FCRL5: variants seen among roughly 807,000 people sequenced by gnomAD.
The protein encoded by FCRL5 is Fc receptor like 5.
In FCRL5, 79 loss-of-function variants were observed where a neutral mutation model predicts 92.1. The observed-to-expected ratio is 0.86, with a 90% CI of 0.72 to 1.03. FCRL5 has a LOEUF of 1.03. Among genes scored for constraint, FCRL5 ranks in the 50% least tolerant of loss-of-function variants. The pLI, the probability that FCRL5 is intolerant of heterozygous loss-of-function variation, is 0.00. For synonymous variants in FCRL5, 466 were observed against 469.3 expected, an observed-to-expected ratio of 0.99 and a Z score of 0.09; for missense variants, 1,160 against 1,181.1, an observed-to-expected ratio of 0.98 and a Z score of 0.26.
intron 2 of FCRL5, among the ~76,000 whole-genome samples, chr1:157,548,735 A>C (rs900562372): frequency 5.3e-5 from 8 of 152,256 alleles, no homozygotes; most frequent in Non-Finnish European, 1.2e-4. Flanking sequence ...CCACAATGAG[A>C]TACCATATCA....
rs1651121985 is a variant in FCRL5 at position 157,539,159 on chromosome 1, T to C, written c.1329A>G (p.Ser443=). ...AISFSLTAEH[S]GNYYCTADNG... ...TGTCAGCTGTGCAGTAGTAGTTCCC[T>C]GAATGCTCTGCAGTCAGAGAGAAGC... is the stretch of plus-strand genomic sequence containing the variant. Residue 443 remains serine, a synonymous_variant, in exon 7 of 17, where the codon TCA becomes TCG. Coordinates refer to ENST00000361835, the MANE Select transcript of FCRL5 (RefSeq NM_031281.3). The C allele has an allele frequency of 1.9e-6, 3 of 1,614,228 alleles. No homozygotes were observed. Among genetic ancestry groups the C allele is most frequent in the Middle Eastern group, 1.7e-4 (1 of 6,060 alleles).
chr1:157,531,249 T>C (rs1650683311), intron 8 of FCRL5, among the ~76,000 whole-genome samples: 1 of 152,080 alleles, frequency 6.6e-6, no homozygotes, highest in South Asian at 2.1e-4. Flanking sequence ...ATTGGGGAAA[T>C]ACAATTAAAA....
chr1:157,534,499 G>T, intron 8 of FCRL5, 115 bp downstream of exon 8: 2 of 1,285,684 alleles, frequency 1.6e-6, no homozygotes, highest in East Asian at 2.4e-5. Context: ...AGGAAGCCAA[G>T]AAGGGGATTA....
Position 157,518,495 on chromosome 1 carries a change from T to C in FCRL5, c.2746A>G (p.Asn916Asp). 1 of 1,614,030 alleles carries C rather than the reference T, an allele frequency of 6.2e-7. No homozygotes were observed. The highest frequency in any genetic ancestry group is 1.1e-5 in the South Asian group (1 of 91,054). The change falls in exon 15 of 17, where the codon AAT (asparagine) becomes GAT (aspartate). Residue 916 changes from asparagine (N) to aspartate (D), a missense_variant and splice_region_variant. Asn to Asp is a conservative substitution (Grantham distance 23). Coordinates refer to ENST00000361835, the MANE Select transcript of FCRL5 (RefSeq NM_031281.3). ...TAAACCACATTTTCTCCTCTAGGAT[T>C]TGCTTAGAAAAAAGTTGAAGTTTCA... ...EELQPVYTNA[N>D]PRGENVVYSE...
At chr1:157,543,610 T>G (rs1355511363) in intron 5 of FCRL5, among the ~76,000 whole-genome samples, 1 of 152,146 alleles carries the variant, frequency 6.6e-6, no homozygotes, top group East Asian at 1.9e-4. Flanking sequence ...CTGGTGATGA[T>G]CACATTGCCT....
At chr1:157,545,524 T>G (rs906253968) in intron 3 of FCRL5, among the ~76,000 whole-genome samples, 1 of 133,460 alleles carries the variant, frequency 7.5e-6, no homozygotes, top group Non-Finnish European at 1.6e-5. Flanking sequence ...TTTAATGAGT[T>G]TTTTTTTTTT....
At chr1:157,526,685 A>T (rs1401412673) in intron 9 of FCRL5, among the ~76,000 whole-genome samples, 1 of 152,168 alleles carries the variant, frequency 6.6e-6, no homozygotes, top group Non-Finnish European at 1.5e-5. Flanking sequence ...TTGGGTGGAT[A>T]CAGAGCTAGA....
chr1:157,535,943 G>GTTTTTTTTTTTTTT (rs60191062), intron 7 of FCRL5, among the ~76,000 whole-genome samples: 1,024 of 89,918 alleles, frequency 0.011, 92 homozygotes, highest in Middle Eastern at 0.056. Context: ...ATGTGACTCA[G>GTTTTTTTTTTTTTT]TTTTTTTTTT....
intron 13 of FCRL5, chr1:157,519,044 T>C (rs909962521): frequency 3.3e-6 from 1 of 302,146 alleles, no homozygotes; most frequent in Non-Finnish European, 6.1e-6. Flanking sequence ...TCATCCTCGT[T>C]TTAGCTGAAA....
intron 10 of FCRL5, among the ~76,000 whole-genome samples, chr1:157,523,204 T>C (rs1650276380): frequency 6.6e-6 from 1 of 152,214 alleles, no homozygotes; most frequent in South Asian, 2.1e-4. Flanking sequence ...TCAGTGTATA[T>C]TTTGCTTTAC....
chr1:157,521,194 G>A lies in FCRL5; in HGVS notation c.2338C>T (p.Pro780Ser). The A allele has an allele frequency of 4.3e-6, 7 of 1,614,136 alleles. No homozygotes were observed. Among genetic ancestry groups the A allele is most frequent in the Non-Finnish European group, 5.9e-6 (7 of 1,180,026 alleles). The stretch of plus-strand genomic sequence containing the variant: ...TGAAAAAACCGGTACAGGATCAGGG[G>A]AGAGCCTCTCAGGGCCTCACAGTGA... Reference protein sequence around the residue: ...ELHCEALRGSPLILYRFFHED... With the variant: ...ELHCEALRGSSLILYRFFHED... The change falls in exon 11 of 17, where the codon CCC becomes TCC. Residue 780 changes from proline (P) to serine (S), a missense_variant. By Grantham distance (74) the Pro-to-Ser change is moderately conservative. Transcript: ENST00000361835.
At chr1:157,524,235 C>A in intron 10 of FCRL5, 44 bp downstream of exon 10, 1 of 1,600,920 alleles carries the variant, frequency 6.2e-7, no homozygotes, top group Non-Finnish European at 8.5e-7. Flanking sequence ...AGAACAGGCA[C>A]AGTCAGTTCT....
rs1392451967 is a variant in FCRL5 at position 157,544,968 on chromosome 1, A to G, written c.422T>C (p.Val141Ala). 5.0e-6 allele frequency: 8 copies of G among 1,614,118 alleles called. No individual in the cohort carries two copies. In the Middle Eastern group the frequency reaches 6.6e-4, roughly 133 times the overall value. The change falls in exon 4 of 17, where the codon GTC (valine) becomes GCC (alanine). Residue 141 changes from valine to alanine, a missense_variant. Val to Ala is a moderately conservative substitution (Grantham distance 64). Transcript: ENST00000361835. Reference sequence around the variant, plus strand: ...AGTTCTTTTATTAAGGAATGCCAGGACATTATCATTCTTGTAAATAGTATT... The same window carrying G: ...AGTTCTTTTATTAAGGAATGCCAGGGCATTATCATTCTTGTAAATAGTATT... ...LNNTIYKNDNVLAFLNKRTDF... is the reference protein window; with the variant it reads ...LNNTIYKNDNALAFLNKRTDF...
intron 15 of FCRL5, 159 bp from the exon 16 acceptor site, chr1:157,516,032 A>T: frequency 1.3e-6 from 1 of 757,432 alleles, no homozygotes; most frequent in Non-Finnish European, 2.3e-6. Flanking sequence ...GTCCCTCTCC[A>T]TTCCCAACTC....
At chr1:157,548,536 T>C (rs992503458) in intron 2 of FCRL5, among the ~76,000 whole-genome samples, 6 of 152,062 alleles carry the variant, frequency 3.9e-5, no homozygotes, top group African/African-American at 1.4e-4. Flanking sequence ...ATCTACTCAT[T>C]TGACAAAGGG....
intron 1 of FCRL5, among the ~76,000 whole-genome samples, chr1:157,550,366 G>C (rs1651759703): frequency 6.6e-6 from 1 of 152,042 alleles, no homozygotes; most frequent in South Asian, 2.1e-4. Context: ...TAGAAGGCAG[G>C]GCAAGGAAAT....
intron 8 of FCRL5, among the ~76,000 whole-genome samples, chr1:157,529,280 T>TA (rs1650578524): frequency 6.6e-6 from 1 of 151,968 alleles, no homozygotes; most frequent in Admixed American, 6.6e-5. Flanking sequence ...TGGTCATAAT[T>TA]AAAAAAACAA....
In FCRL5 at chr1:157,544,835, G is replaced by A; in HGVS notation, c.555C>T (p.Val185=). ...ACAAAATAATGAAGGCTTTACCTTGGACTTGGATTTTGACTGTATTGGAAG... is the reference window on the plus strand; with the variant it reads ...ACAAAATAATGAAGGCTTTACCTTGAACTTGGATTTTGACTGTATTGGAAG... ...PVSSNTVKIQ[V]QEPFTRPVLR... is the part of the protein sequence containing the mutation. The change falls in exon 4 of 17, where the codon GTC becomes GTT. Residue 185 remains valine (V), a synonymous_variant. Transcript: ENST00000361835. The A allele has an allele frequency of 1.2e-6, 2 of 1,614,050 alleles. No individual in the cohort carries two copies. The highest frequency in any genetic ancestry group is 1.3e-5 in the African/African-American group (1 of 75,028).
At chr1:157,546,251 T>A in intron 3 of FCRL5, 1 of 454,052 alleles carries the variant, frequency 2.2e-6, no homozygotes, top group Non-Finnish European at 4.4e-6. Flanking sequence ...AGTTCAACAT[T>A]AGCCTGGGCA....
Sources: gnomAD v4.1 joint callset for allele counts (sites outside exome capture counted in the v4.1 genomes callset) on GRCh38, gnomAD v4.1.1 for gene constraint, MANE v1.5 for transcripts, NCBI Gene and HGNC (gene_info 2026-07-23, HGNC 2026-07-21) for gene names.